ITPA: variants seen among roughly 807,000 people sequenced by gnomAD.
ITPA encodes inosine triphosphate pyrophosphatase.
ITPA carries 29 observed loss-of-function variants against 29.6 expected under a neutral mutation model. The observed-to-expected ratio is 0.98, with a 90% confidence interval of 0.73 to 1.34. The LOEUF (loss-of-function observed/expected upper bound fraction) is 1.34, where lower values mean the gene tolerates loss of function less well. Among genes scored for constraint, ITPA ranks in the 40% most tolerant of loss-of-function variants. The pLI, the probability that ITPA is intolerant of heterozygous loss-of-function variation, is 0.00. For missense variants in ITPA, 241 were observed against 251.5 expected (o/e 0.96, Z 0.28); for synonymous variants, 103 against 99.3 (o/e 1.04, Z -0.22).
At chr20:3,220,031 G>A (rs1490923049) in intron 6 of ITPA, among the ~76,000 whole-genome samples, 2 of 132,504 alleles carry the variant, frequency 1.5e-5, no homozygotes, top group Admixed American at 7.7e-5. Context: ...GTGACGGAGT[G>A]AGACCCAGTC....
rs756108585 is a variant in ITPA, at chr20:3,218,617, C to T, written c.396C>T (p.Phe132=). The part of the protein sequence containing the change: ...TGDPSQPVRL[F]RGRTSGRIVA... The stretch of plus-strand genomic sequence containing the variant: ...ACCCAAGCCAGCCCGTGCGCCTGTT[C>T]AGGGGCCGGACCTCGGTGCGTACCC... Residue 132 remains phenylalanine (F), a synonymous_variant, in exon 6 of 8, where the codon TTC becomes TTT. Transcript: ENST00000380113. 8 of 1,613,048 alleles carry T rather than the reference C, an allele frequency of 5.0e-6. No homozygotes were observed. The highest frequency in any genetic ancestry group is 2.2e-5 in the East Asian group (1 of 44,876).
chr20:3,210,486 G>A (rs1163770102), intron 1 of ITPA, among the ~76,000 whole-genome samples: 1 of 152,306 alleles, frequency 6.6e-6, no homozygotes, highest in East Asian at 1.9e-4. Context: ...CATGTGTGGG[G>A]GATCAGGATG....
upstream of ITPA, chr20:3,209,414 C>CG (rs1401135871): frequency 1.8e-5 from 15 of 814,796 alleles, no homozygotes; most frequent in Admixed American, 4.0e-5. The surrounding 1 kb of genome is among the most constrained non-coding windows in gnomAD (Gnocchi z 4.6). Context: ...GCCCGATACG[C>CG]GCCTTGGGGT....
At chr20:3,222,033 G>A (rs2067478721) in intron 7 of ITPA, 116 bp downstream of exon 7, 1 of 1,006,412 alleles carries the variant, frequency 9.9e-7, no homozygotes, top group Non-Finnish European at 1.5e-6. Context: ...AGGCTCCCAG[G>A]GTGCTGTTCC....
downstream of ITPA, among the ~76,000 whole-genome samples, chr20:3,226,368 T>C (rs967640990): frequency 2.0e-5 from 3 of 152,108 alleles, no homozygotes; most frequent in Non-Finnish European, 2.9e-5. The surrounding 1 kb of genome is among the most constrained non-coding windows in gnomAD (Gnocchi z 4.4). Context: ...GAGGAAAACG[T>C]TTTGAGTTGG....
At chr20:3,222,942 C>T (rs1476068222) in intron 7 of ITPA, among the ~76,000 whole-genome samples, 2 of 152,224 alleles carry the variant, frequency 1.3e-5, no homozygotes, top group Non-Finnish European at 2.9e-5. Flanking sequence ...CACCTCACTG[C>T]GGTGCTGGCA....
chr20:3,215,934 C>A (rs936190157), intron 5 of ITPA, among the ~76,000 whole-genome samples: 3 of 152,142 alleles, frequency 2.0e-5, no homozygotes, highest in African/African-American at 7.2e-5. Context: ...GATCCGCCTA[C>A]CTTGGCCTCC....
At position 3,215,263 on chromosome 20, in the gene ITPA, CCTTT is replaced by C. The variant is rs531698626; in HGVS notation, c.264-11_264-8del. 1.2e-3 allele frequency: 1,861 copies of C among 1,613,430 alleles called. 3 individuals carry two copies. The highest frequency in any genetic ancestry group is 8.4e-3 in the Middle Eastern group (51 of 6,062). On this transcript the variant is annotated splice_polypyrimidine_tract_variant and intron_variant, in intron 4 of 7. Transcript: ENST00000380113. Reference sequence around the variant, plus strand: ...CCAGCTGCTCCTGGTGTCTGACTGTCCTTTCTTTCTCTTGCAGAAAGTGGTTTCT... The same window carrying C: ...CCAGCTGCTCCTGGTGTCTGACTGTCCTTTCTCTTGCAGAAAGTGGTTTCT...
chr20:3,215,234 A>G (rs1439275972), intron 4 of ITPA, 47 bp from the exon 5 acceptor site: 1 of 1,598,576 alleles, frequency 6.3e-7, no homozygotes, highest in African/African-American at 1.3e-5. Context: ...GGTGGTAAGA[A>G]GATCCAGCTG....
rs1451563968 is a variant in ITPA at position 3,223,401 on chromosome 20, T to G, written c.524T>G (p.Val175Gly). ...ATGCCTAAGGCGGAGAAGAACGCTG[T>G]CTCCCATCGCTTCCGGGCCCTGCTG... ...AEMPKAEKNAVSHRFRALLEL... is the reference protein window; with the variant it reads ...AEMPKAEKNAGSHRFRALLEL... Residue 175 changes from valine (V) to glycine (G), a missense_variant, in exon 8 of 8, where the codon GTC becomes GGC. By Grantham distance (109) the Val-to-Gly change is moderately radical. Coordinates refer to ENST00000380113, the MANE Select transcript of ITPA (RefSeq NM_033453.4). 1 of 1,613,912 alleles carries G rather than the reference T, an allele frequency of 6.2e-7. No individual in the cohort carries two copies. The highest frequency in any genetic ancestry group is 1.1e-5 in the South Asian group (1 of 91,026).
chr20:3,208,014 GAA>G (rs1191016176), upstream of ITPA, among the ~76,000 whole-genome samples: 86 of 136,142 alleles, frequency 6.3e-4, 1 homozygote, highest in Middle Eastern at 0.012. Context: ...AAAAAAAAAA[GAA>G]AAAGAGAGGT....
chr20:3,211,772 G>A (rs2067180889), intron 1 of ITPA, among the ~76,000 whole-genome samples: 1 of 152,322 alleles, frequency 6.6e-6, no homozygotes, highest in Non-Finnish European at 1.5e-5. Context: ...GATTACATGC[G>A]TGAGCCACCG....
At chr20:3,215,899 C>T (rs1600511548) in intron 5 of ITPA, among the ~76,000 whole-genome samples, 1 of 151,832 alleles carries the variant, frequency 6.6e-6, no homozygotes, top group African/African-American at 2.4e-5. Flanking sequence ...TTGGCCAGGC[C>T]AGTCTCGAAC....
chr20:3,225,215 A>C (rs11907085), downstream of ITPA, among the ~76,000 whole-genome samples: 1,244 of 152,050 alleles, frequency 8.2e-3, 20 homozygotes, highest in African/African-American at 0.028. Flanking sequence ...TAAAAAAAAC[A>C]TGTGTATTTG....
At chr20:3,226,112 G>A (rs1381140952), downstream of ITPA, among the ~76,000 whole-genome samples, 2 of 152,204 alleles carry the variant, frequency 1.3e-5, no homozygotes, top group Non-Finnish European at 2.9e-5. The surrounding 1 kb of genome is among the most constrained non-coding windows in gnomAD (Gnocchi z 4.4). Flanking sequence ...TAAAAGAGGA[G>A]TCGTGGGAAC....
At chr20:3,204,537 C>G (rs1002497749), upstream of ITPA, 1 of 1,559,554 alleles carries the variant, frequency 6.4e-7, no homozygotes, top group Non-Finnish European at 8.6e-7. Flanking sequence ...CATCTCCTAC[C>G]TGATGCCGCC....
chr20:3,213,150 C>T lies in ITPA; in HGVS notation c.67-19C>T, dbSNP rs758688131. The T allele has an allele frequency of 9.3e-6, 15 of 1,611,660 alleles. No homozygotes were observed. The Admixed American group carries it at 2.2e-4, about 23-fold the overall frequency. ...GAATCACTAGATGGTGATAAGTGTTCTCTTTTCTCTTGGAACAGGTCGTTC... is the reference window on the plus strand; with the variant it reads ...GAATCACTAGATGGTGATAAGTGTTTTCTTTTCTCTTGGAACAGGTCGTTC... On this transcript the variant is annotated intron_variant, in intron 1 of 7. Transcript: ENST00000380113.
chr20:3,205,086 G>A (rs1280456849), upstream of ITPA, among the ~76,000 whole-genome samples: 1 of 152,136 alleles, frequency 6.6e-6, no homozygotes, highest in Non-Finnish European at 1.5e-5. Context: ...TCCTGACCTT[G>A]TGATCCACCC....
upstream of ITPA, chr20:3,209,439 C>T (rs148477247): frequency 3.9e-3 from 4,083 of 1,043,096 alleles, 98 homozygotes; most frequent in African/African-American, 0.057. The surrounding 1 kb of genome is among the most constrained non-coding windows in gnomAD (Gnocchi z 4.6). Flanking sequence ...GTCGGCTTTC[C>T]CCGGGACCCC....
Sources: gnomAD v4.1 joint callset for allele counts (sites outside exome capture counted in the v4.1 genomes callset) on GRCh38, gnomAD v4.1.1 for gene constraint, Gnocchi (gnomAD v3.1) non-coding constraint, MANE v1.5 for transcripts, NCBI Gene and HGNC (gene_info 2026-07-23, HGNC 2026-07-21) for gene names.